Variants in ALK observed in about 807,000 individuals in gnomAD.
ALK encodes ALK receptor tyrosine kinase, also known as ALK tyrosine kinase receptor.
Under a neutral mutation model 163.1 loss-of-function variants are expected in ALK, and 74 were observed. The observed-to-expected ratio is 0.45, with a 90% CI of 0.38 to 0.55. ALK has a LOEUF of 0.55. Among genes scored for constraint, ALK ranks in the 20% least tolerant of loss-of-function variants. The pLI, the probability that ALK is intolerant of heterozygous loss-of-function variation, is 0.00. For missense variants in ALK, 2,063 were observed against 2,105.3 expected, an observed-to-expected ratio of 0.98 and a Z score of 0.39; for synonymous variants, 960 against 843.2, an observed-to-expected ratio of 1.14 and a Z score of -2.40.
chr2:29,370,937 T>TG (rs1240018262), intron 5 of ALK, among the ~76,000 whole-genome samples: 15 of 152,160 alleles, frequency 9.9e-5, no homozygotes, highest in Non-Finnish European at 1.9e-4. Flanking sequence ...AAATGATTAA[T>TG]GGGGGGAATT....
chr2:29,856,578 G>A (rs897958841), intron 1 of ALK, among the ~76,000 whole-genome samples: 1 of 152,172 alleles, frequency 6.6e-6, no homozygotes, highest in Admixed American at 6.5e-5. Context: ...TGGAACCCAG[G>A]TCTATGTAAC....
chr2:29,816,109 C>G (rs565365249), intron 1 of ALK, among the ~76,000 whole-genome samples: 5 of 152,304 alleles, frequency 3.3e-5, no homozygotes, highest in East Asian at 1.9e-4. Flanking sequence ...GCTGTGATTA[C>G]TGTAGGCTAT....
chr2:29,467,019 A>G (rs1671229772), intron 4 of ALK, among the ~76,000 whole-genome samples: 1 of 152,168 alleles, frequency 6.6e-6, no homozygotes, highest in African/African-American at 2.4e-5. Flanking sequence ...TGTTTCTGGT[A>G]AGGCTGTTAA....
chr2:29,597,712 C>T (rs1675252415), intron 3 of ALK, among the ~76,000 whole-genome samples: 1 of 152,158 alleles, frequency 6.6e-6, no homozygotes, highest in Non-Finnish European at 1.5e-5. Flanking sequence ...TTAATATGTA[C>T]AGCTGCTTAG....
chr2:29,319,156 C>G (rs1666928432), intron 7 of ALK: 1 of 152,262 alleles, frequency 6.6e-6, no homozygotes, highest in Admixed American at 6.5e-5. Context: ...TCTGGGAGAA[C>G]AGGGGCTCCC....
intron 3 of ALK, among the ~76,000 whole-genome samples, chr2:29,677,087 T>C (rs1351567193): frequency 6.6e-6 from 1 of 151,962 alleles, no homozygotes; most frequent in Non-Finnish European, 1.5e-5. Flanking sequence ...ATAAAGGCAA[T>C]TTTATTTTAT....
chr2:29,262,620 G>A (rs1665117338), intron 11 of ALK, among the ~76,000 whole-genome samples: 1 of 152,220 alleles, frequency 6.6e-6, no homozygotes, highest in Non-Finnish European at 1.5e-5. Context: ...CTCTAGACAG[G>A]CAGAGTGCCT....
intron 3 of ALK, among the ~76,000 whole-genome samples, chr2:29,578,627 C>A (rs1484407651): frequency 6.6e-6 from 1 of 152,206 alleles, no homozygotes; most frequent in Non-Finnish European, 1.5e-5. Flanking sequence ...TCAACTAGAA[C>A]CACCATACCC....
At chr2:29,315,463 G>A (rs761183224) in intron 8 of ALK, among the ~76,000 whole-genome samples, 5 of 152,016 alleles carry the variant, frequency 3.3e-5, no homozygotes, top group Admixed American at 6.6e-5. Context: ...GTGACATCAC[G>A]CTATTTGGGG....
chr2:29,686,418 T>C (rs1466247497), intron 3 of ALK, among the ~76,000 whole-genome samples: 1 of 152,192 alleles, frequency 6.6e-6, no homozygotes, highest in African/African-American at 2.4e-5. Context: ...CTCCCTGGGC[T>C]GGTAGAGATT....
chr2:29,359,194 C>T, intron 5 of ALK, among the ~76,000 whole-genome samples: 1 of 152,196 alleles, frequency 6.6e-6, no homozygotes, highest in Non-Finnish European at 1.5e-5. Flanking sequence ...AAAACTAACA[C>T]TGCAGCATCC....
At chr2:29,873,335 C>T (rs1016847940) in intron 1 of ALK, among the ~76,000 whole-genome samples, 1 of 152,132 alleles carries the variant, frequency 6.6e-6, no homozygotes, top group Non-Finnish European at 1.5e-5. Flanking sequence ...GTGGAGGAAG[C>T]GGCTGCAGAA....
chr2:29,256,293 A>G (rs781394218), intron 11 of ALK, among the ~76,000 whole-genome samples: 5 of 152,128 alleles, frequency 3.3e-5, no homozygotes, highest in Non-Finnish European at 7.4e-5. Context: ...GGCACCTGAG[A>G]GGTAATCTCC....
chr2:29,586,497 G>C (rs952556108), intron 3 of ALK, among the ~76,000 whole-genome samples: 11 of 152,224 alleles, frequency 7.2e-5, no homozygotes, highest in African/African-American at 2.6e-4. Context: ...ACTACATTTA[G>C]TTAAAATCTA....
At chr2:29,896,128 G>A (rs747181034) in intron 1 of ALK, among the ~76,000 whole-genome samples, 41 of 152,230 alleles carry the variant, frequency 2.7e-4, no homozygotes, top group Non-Finnish European at 3.7e-4. Flanking sequence ...CTACAAGGCA[G>A]GGGTCACAAG....
At chr2:29,451,419 C>A (rs1670817833) in intron 4 of ALK, among the ~76,000 whole-genome samples, 1 of 152,194 alleles carries the variant, frequency 6.6e-6, no homozygotes, top group Non-Finnish European at 1.5e-5. Context: ...CAAGGCCCTT[C>A]ACACTCTATC....
At chr2:29,552,004 C>T (rs1465612730) in intron 3 of ALK, among the ~76,000 whole-genome samples, 2 of 152,094 alleles carry the variant, frequency 1.3e-5, no homozygotes, top group African/African-American at 4.8e-5. Context: ...ACTCACTTAA[C>T]AATAACTTTC....
chr2:29,701,745 C>T (rs1573567454), intron 2 of ALK, among the ~76,000 whole-genome samples: 1 of 152,266 alleles, frequency 6.6e-6, no homozygotes, highest in Admixed American at 6.5e-5. Context: ...CCATGCCAGG[C>T]ACCTTACATG....
At chr2:29,578,558 C>T (rs1016191215) in intron 3 of ALK, among the ~76,000 whole-genome samples, 1 of 152,158 alleles carries the variant, frequency 6.6e-6, no homozygotes, top group African/African-American at 2.4e-5. Context: ...GCCCTCAGGG[C>T]CTGTTTGGGG....
Sources: gnomAD v4.1 joint callset for allele counts (sites outside exome capture counted in the v4.1 genomes callset) on GRCh38, gnomAD v4.1.1 for gene constraint, MANE v1.5 for transcripts, NCBI Gene and HGNC (gene_info 2026-07-23, HGNC 2026-07-21) for gene names.